DLGAP4: variants seen among roughly 807,000 people sequenced by gnomAD.
DLGAP4 encodes disks large-associated protein 4.
A neutral mutation model predicts 86.9 loss-of-function variants in DLGAP4; 18 were observed. That is an observed-to-expected ratio of 0.21 (90% CI 0.14 to 0.31). DLGAP4 has a LOEUF of 0.31. DLGAP4 is among the 10% of genes least tolerant of loss of function. The pLI is 1.00. For missense variants in DLGAP4, 1,085 were observed against 1,362.6 expected, an observed-to-expected ratio of 0.80 and a Z score of 3.21; for synonymous variants, 548 against 574.3, an observed-to-expected ratio of 0.95 and a Z score of 0.65.
chr20:36,490,754 G>A (rs1052854931), intron 7 of DLGAP4, among the ~76,000 whole-genome samples: 1 of 152,182 alleles, frequency 6.6e-6, no homozygotes, highest in Non-Finnish European at 1.5e-5. Context: ...TAGGCCTCAG[G>A]ACCAAGTTCA....
At chr20:36,457,368 G>A (rs2033903636) in intron 7 of DLGAP4, among the ~76,000 whole-genome samples, 1 of 149,960 alleles carries the variant, frequency 6.7e-6, no homozygotes, top group Non-Finnish European at 1.5e-5. Context: ...ACAGGCGCTC[G>A]CCACCACGCC....
intron 2 of DLGAP4, among the ~76,000 whole-genome samples, chr20:36,417,493 C>T (rs1416343670): frequency 6.6e-6 from 1 of 151,890 alleles, no homozygotes; most frequent in African/African-American, 2.4e-5. Context: ...GCAATCTTCC[C>T]GTCACAGCCT....
intron 7 of DLGAP4, chr20:36,462,660 C>T (rs952611432): frequency 5.8e-6 from 9 of 1,547,230 alleles, no homozygotes; most frequent in African/African-American, 4.3e-5. Flanking sequence ...GCGGCCGAGG[C>T]TCCATGGGGT....
At chr20:36,461,763 G>GCCCA (rs1474773337) in intron 7 of DLGAP4, 1 of 243,864 alleles carries the variant, frequency 4.1e-6, no homozygotes, top group Admixed American at 1.1e-4. Context: ...CCGCCCGCCC[G>GCCCA]CCCGCCCGCG....
intron 7 of DLGAP4, chr20:36,461,662 C>CCCCCCCGCCCCGCCCCG: frequency 1.3e-4 from 31 of 241,776 alleles, no homozygotes; most frequent in Non-Finnish European, 1.7e-4. Flanking sequence ...GGGGCCGCCC[C>CCCCCCCGCCCCGCCCCG]GCCCGGCCCG....
chr20:36,454,362 A>C (rs760768487), intron 7 of DLGAP4, among the ~76,000 whole-genome samples: 2 of 152,130 alleles, frequency 1.3e-5, no homozygotes, highest in Admixed American at 6.6e-5. Context: ...AAGGTCCTTT[A>C]CTTCCATTTG....
At chr20:36,404,109 C>T (rs1412128674) in intron 2 of DLGAP4, among the ~76,000 whole-genome samples, 4 of 152,158 alleles carry the variant, frequency 2.6e-5, no homozygotes, top group Non-Finnish European at 4.4e-5. Flanking sequence ...TACCAGGAGA[C>T]GAGACTCATC....
At chr20:36,341,681 G>A (rs945616122) in intron 1 of DLGAP4, among the ~76,000 whole-genome samples, 1 of 152,230 alleles carries the variant, frequency 6.6e-6, no homozygotes, top group African/African-American at 2.4e-5. Context: ...GGCCCACTGG[G>A]CTGCCACCCC....
At chr20:36,495,532 G>C (rs1340618534) in intron 7 of DLGAP4, among the ~76,000 whole-genome samples, 1 of 152,236 alleles carries the variant, frequency 6.6e-6, no homozygotes, top group Admixed American at 6.5e-5. Flanking sequence ...CCAGCAAACA[G>C]CTACTGTTGG....
At chr20:36,497,354 T>G in intron 8 of DLGAP4, 1 of 1,275,004 alleles carries the variant, frequency 7.8e-7, no homozygotes, top group Non-Finnish European at 1.0e-6. Flanking sequence ...TGTCCACTGT[T>G]TGCCTGTCCA....
chr20:36,493,010 G>A (rs2035732620), intron 7 of DLGAP4: 1 of 152,056 alleles, frequency 6.6e-6, no homozygotes, highest in Admixed American at 6.5e-5. Context: ...CAGTGGCTGG[G>A]GAGTGGTAGA....
rs375183326 is a variant in DLGAP4 at position 36,502,030 on chromosome 20, A to G, written c.2512+1419A>G. Reference sequence around the variant, plus strand: ...TATATTCTGGTATTTGTCTTCATATATCTTTTAAAAAATGTGACTGATTAT... The same window carrying G: ...TATATTCTGGTATTTGTCTTCATATGTCTTTTAAAAAATGTGACTGATTAT... On this transcript the variant is annotated intron_variant, in intron 10 of 12. Coordinates refer to ENST00000339266, the MANE Select transcript of DLGAP4 (RefSeq NM_001365621.2). 6.6e-5 allele frequency among the ~76,000 whole-genome samples: 10 copies of G among 152,308 alleles called. 1 individual carries two copies. In the South Asian group the frequency reaches 2.1e-3, roughly 32 times the overall value.
At chr20:36,427,589 T>C (rs1415198883) in intron 2 of DLGAP4, among the ~76,000 whole-genome samples, 1 of 152,114 alleles carries the variant, frequency 6.6e-6, no homozygotes, top group Non-Finnish European at 1.5e-5. Context: ...TGTCACTAAA[T>C]TGTACACTTT....
chr20:36,366,679 T>G (rs570755399), intron 1 of DLGAP4, among the ~76,000 whole-genome samples: 2 of 152,162 alleles, frequency 1.3e-5, no homozygotes, highest in African/African-American at 4.8e-5. Context: ...AACTCAGGAC[T>G]GCATGACTCC....
At chr20:36,374,020 G>C (rs2031048236) in intron 2 of DLGAP4, among the ~76,000 whole-genome samples, 1 of 132,750 alleles carries the variant, frequency 7.5e-6, no homozygotes, top group African/African-American at 2.9e-5. Context: ...CTGGGTGACA[G>C]TGAGACTGTC....
intron 7 of DLGAP4, among the ~76,000 whole-genome samples, chr20:36,478,268 G>A (rs762804533): frequency 3.0e-4 from 46 of 152,050 alleles, no homozygotes; most frequent in Non-Finnish European, 6.3e-4. Context: ...GAGTCTTCTC[G>A]ACACAGGCAA....
chr20:36,377,085 G>A (rs1329908856), intron 2 of DLGAP4, among the ~76,000 whole-genome samples: 1 of 152,186 alleles, frequency 6.6e-6, no homozygotes, highest in Admixed American at 6.5e-5. Flanking sequence ...TTGGCTTCCT[G>A]CCTTTCCATC....
At chr20:36,414,247 G>A (rs989549382) in intron 2 of DLGAP4, among the ~76,000 whole-genome samples, 1 of 152,178 alleles carries the variant, frequency 6.6e-6, no homozygotes, top group Non-Finnish European at 1.5e-5. Context: ...GGTGATCCTG[G>A]TCCATCCAGA....
chr20:36,441,863 C>T (rs749023929), intron 5 of DLGAP4, among the ~76,000 whole-genome samples: 7 of 152,180 alleles, frequency 4.6e-5, no homozygotes, highest in Non-Finnish European at 8.8e-5. Flanking sequence ...CCCGCCTGGG[C>T]CTGGCACCCA....
Sources: gnomAD v4.1 joint callset for allele counts (sites outside exome capture counted in the v4.1 genomes callset) on GRCh38, gnomAD v4.1.1 for gene constraint, MANE v1.5 for transcripts, NCBI Gene and HGNC (gene_info 2026-07-23, HGNC 2026-07-21) for gene names.